The following ZMYM2 variants were observed in gnomAD, a reference collection of about 807,000 sequenced individuals.
ZMYM2 encodes zinc finger MYM-type containing 2.
ZMYM2 carries 56 observed loss-of-function variants against 162.8 expected under a neutral mutation model. The ratio of observed to expected loss-of-function variants is 0.34; its 90% CI spans 0.28 to 0.43. The LOEUF is 0.43. ZMYM2 is among the 20% of genes least tolerant of loss of function. The pLI is 1.00. For missense variants in ZMYM2, 1,275 were observed against 1,621.8 expected (o/e 0.79, Z 3.67); for synonymous variants, 510 against 541.6 (o/e 0.94, Z 0.81).
At chr13:19,923,999 C>T in the ZMYM2 span, among the ~76,000 whole-genome samples, 1 of 152,064 alleles carries the variant, frequency 6.6e-6, no homozygotes, top group East Asian at 1.9e-4. Flanking sequence ...GTGCCATTGA[C>T]CTATCCCTGT....
At chr13:19,949,515 C>G in the ZMYM2 span, among the ~76,000 whole-genome samples, 1 of 152,118 alleles carries the variant, frequency 6.6e-6, no homozygotes, top group Admixed American at 6.6e-5. Flanking sequence ...ATCGCTTCAG[C>G]CCAGGAGGTG....
intron 1 of ZMYM2, 38 bp downstream of exon 1, chr13:19,958,879 G>C (rs1255729767): frequency 2.0e-5 from 3 of 152,620 alleles, no homozygotes; most frequent in African/African-American, 7.2e-5. Flanking sequence ...GTCCAGGGCC[G>C]CCGAGAGTGG....
At chr13:19,975,810 A>G (rs938328038) in intron 2 of ZMYM2, among the ~76,000 whole-genome samples, 4 of 152,168 alleles carry the variant, frequency 2.6e-5, no homozygotes, top group African/African-American at 9.7e-5. Context: ...CCAATTTCTG[A>G]AAGTCTTTAT....
chr13:19,971,264 T>TA lies in ZMYM2; in HGVS notation c.-11+11238_-11+11239insA, dbSNP rs1555278560. On this transcript the variant is annotated intron_variant, in intron 2 of 24. Transcript: ENST00000610343. ...TGTGTGTATATATATATATATATAT[T>TA]TTTTTTTTTTTTTTTTTTTCCTTGA... is the stretch of plus-strand genomic sequence containing the variant. Among the ~76,000 whole-genome samples, 329 of 53,510 alleles carry TA rather than the reference T, an allele frequency of 6.1e-3. 4 individuals carry two copies. The highest frequency in any genetic ancestry group is 0.022 in the African/African-American group (314 of 14,128). The allele number at this position is 53,510 out of a possible 152,430, so 35.1% of individuals were successfully genotyped here. A position where few individuals can be genotyped will look rare whatever the true frequency, so the allele number is the denominator to read the frequency against.
At chr13:19,910,052 TAAA>T in the ZMYM2 span, among the ~76,000 whole-genome samples, 14 of 140,744 alleles carry the variant, frequency 9.9e-5, no homozygotes, top group Admixed American at 2.1e-4. Flanking sequence ...CCATCTCTAG[TAAA>T]AAAAAAAAAA....
At chr13:20,065,880 T>G (rs1192645304) in intron 19 of ZMYM2, among the ~76,000 whole-genome samples, 2 of 152,012 alleles carry the variant, frequency 1.3e-5, no homozygotes, top group African/African-American at 2.4e-5. Context: ...AAAACAAAAA[T>G]AAAACAATAA....
the ZMYM2 span, among the ~76,000 whole-genome samples, chr13:19,885,864 T>TATATATATGTATGTACAC: frequency 2.7e-5 from 1 of 37,734 alleles, no homozygotes; most frequent in Admixed American, 3.8e-4. Flanking sequence ...AAAAAAAAAA[T>TATATATATGTATGTACAC]ATATATATGT....
intron 6 of ZMYM2, among the ~76,000 whole-genome samples, chr13:20,011,467 C>T (rs1487997277): frequency 6.6e-6 from 1 of 151,988 alleles, no homozygotes; most frequent in Non-Finnish European, 1.5e-5. Flanking sequence ...TTTGCATTTG[C>T]GTTGCTCATT....
Position 20,005,161 on chromosome 13 carries a change from T to G in ZMYM2, c.1221T>G (p.Ser407=). The G allele has an allele frequency of 6.3e-7, 1 of 1,598,904 alleles. No individual in the cohort carries two copies. The highest frequency in any genetic ancestry group is 1.1e-5 in the South Asian group (1 of 87,960). ...FQEFCSTSCL[S]LYEDKQNPTK... is the part of the protein sequence containing the mutation. ...AATTCTGTAGTACATCTTGTTTATC[T>G]CTCTATGAAGACAAACAGAATCCTA... The change falls in exon 5 of 25, where the codon TCT becomes TCG. Residue 407 remains serine, a synonymous_variant. Transcript: ENST00000610343.
At chr13:19,997,729 T>C (rs577829602) in intron 3 of ZMYM2, among the ~76,000 whole-genome samples, 5 of 152,250 alleles carry the variant, frequency 3.3e-5, no homozygotes, top group African/African-American at 1.2e-4. Context: ...AAAATAATGT[T>C]GTCTTACCGC....
intron 12 of ZMYM2, among the ~76,000 whole-genome samples, chr13:20,038,628 A>G (rs770990422): frequency 2.1e-4 from 32 of 151,942 alleles, no homozygotes; most frequent in South Asian, 4.2e-4. Flanking sequence ...CCATTGGTCT[A>G]TGTGTCTGCT....
chr13:19,938,439 AGT>A, the ZMYM2 span, among the ~76,000 whole-genome samples: 1 of 152,222 alleles, frequency 6.6e-6, no homozygotes, highest in Non-Finnish European at 1.5e-5. Context: ...CCAACGTTGC[AGT>A]GAGCCGAGAT....
At chr13:19,964,846 T>C (rs1018999794) in intron 2 of ZMYM2, among the ~76,000 whole-genome samples, 36 of 152,196 alleles carry the variant, frequency 2.4e-4, no homozygotes, top group African/African-American at 8.4e-4. Context: ...TACAAGTTAA[T>C]GTTAAATTGT....
In ZMYM2 at chr13:20,045,049, C is replaced by CAAAAAAAA. The variant is rs933854935; in HGVS notation, c.2293-6368_2293-6361dup. The stretch of plus-strand genomic sequence containing the variant: ...CGGGCGACAGAGCAAGACTCTGTGT[C>CAAAAAAAA]AAAAAAAAAAAAAAAAAAAAAAAGC... On this transcript the variant is annotated intron_variant, in intron 12 of 24. Coordinates refer to ENST00000610343, the MANE Select transcript of ZMYM2 (RefSeq NM_197968.4). 6.3e-4 allele frequency among the ~76,000 whole-genome samples: 30 copies of CAAAAAAAA among 47,450 alleles called. 2 individuals carry two copies. Among genetic ancestry groups the CAAAAAAAA allele is most frequent in the African/African-American group, 1.0e-3 (13 of 13,034 alleles). The allele number at this position is 47,450 out of a possible 152,430, so 31.1% of individuals were successfully genotyped here.
chr13:19,890,760 T>C, the ZMYM2 span, among the ~76,000 whole-genome samples: 40 of 151,452 alleles, frequency 2.6e-4, no homozygotes, highest in Middle Eastern at 3.4e-3. Flanking sequence ...TAGTCCCAGC[T>C]ACTTGGGAGG....
At chr13:19,932,335 G>A in the ZMYM2 span, among the ~76,000 whole-genome samples, 1 of 152,032 alleles carries the variant, frequency 6.6e-6, no homozygotes, top group Non-Finnish European at 1.5e-5. Context: ...CCCATGATCC[G>A]ATTAGCGCAC....
At chr13:20,010,029 T>A (rs1387188471) in intron 6 of ZMYM2, among the ~76,000 whole-genome samples, 1 of 152,220 alleles carries the variant, frequency 6.6e-6, no homozygotes, top group African/African-American at 2.4e-5. Context: ...AGCAGCAATG[T>A]ACAAGGCTTC....
At chr13:19,996,707 ACT>A (rs1950042806) in intron 3 of ZMYM2, among the ~76,000 whole-genome samples, 1 of 151,582 alleles carries the variant, frequency 6.6e-6, no homozygotes, top group South Asian at 2.1e-4. Context: ...ACAGACTGAG[ACT>A]CTGTCTCAAA....
chr13:19,891,428 G>A, the ZMYM2 span, among the ~76,000 whole-genome samples: 2 of 150,492 alleles, frequency 1.3e-5, no homozygotes, highest in African/African-American at 4.9e-5. Context: ...ATTCTAATAT[G>A]GCACCCAGAG....
Sources: gnomAD v4.1 joint callset for allele counts (sites outside exome capture counted in the v4.1 genomes callset) on GRCh38, gnomAD v4.1.1 for gene constraint, MANE v1.5 for transcripts, NCBI Gene and HGNC (gene_info 2026-07-23, HGNC 2026-07-21) for gene names.